The following ETS1 variants were observed in gnomAD, a reference collection of about 807,000 sequenced individuals.
ETS1 encodes protein C-ets-1.
In ETS1, 15 loss-of-function variants were observed where a neutral mutation model predicts 58.6. The ratio of observed to expected loss-of-function variants is 0.26; its 90% confidence interval spans 0.17 to 0.39. ETS1 has a LOEUF of 0.39. Among genes scored for constraint, ETS1 ranks in the 10% least tolerant of loss-of-function variants. The pLI is 1.00. For missense variants in ETS1, 417 were observed against 610.5 expected (o/e 0.68, Z 3.34); for synonymous variants, 214 against 218.2 (o/e 0.98, Z 0.17).
At chr11:128,570,953 T>C (rs1350765046) in intron 2 of ETS1, among the ~76,000 whole-genome samples, 1 of 152,186 alleles carries the variant, frequency 6.6e-6, no homozygotes, top group African/African-American at 2.4e-5. Flanking sequence ...TCTAAACCTT[T>C]TTCTGATTCT....
intron 3 of ETS1, chr11:128,522,425 G>C (rs1031789864): frequency 1.1e-6 from 1 of 870,052 alleles, no homozygotes; most frequent in Non-Finnish European, 1.4e-6. Flanking sequence ...GGCGATGTCC[G>C]CTTGGGGGAG....
chr11:128,582,048 A>G (rs1864881625), intron 1 of ETS1, among the ~76,000 whole-genome samples: 2 of 152,178 alleles, frequency 1.3e-5, no homozygotes, highest in South Asian at 2.1e-4. Flanking sequence ...TAAGGTTCCA[A>G]TTTCTCAGTA....
At chr11:128,532,791 T>C (rs1416727507) in intron 3 of ETS1, among the ~76,000 whole-genome samples, 1 of 152,130 alleles carries the variant, frequency 6.6e-6, no homozygotes, top group East Asian at 1.9e-4. Flanking sequence ...GGGGCAGCCC[T>C]AGGCTCCAAG....
At chr11:128,583,843 T>C (rs67600467) in intron 1 of ETS1, among the ~76,000 whole-genome samples, 45,972 of 152,092 alleles carry the variant, frequency 0.3, 8,592 homozygotes, top group Non-Finnish European at 0.42. Flanking sequence ...TGAAGGCAGC[T>C]CCAACACTTG....
At chr11:128,518,968 G>C (rs1033650914) in intron 3 of ETS1, among the ~76,000 whole-genome samples, 1 of 152,222 alleles carries the variant, frequency 6.6e-6, no homozygotes, top group Non-Finnish European at 1.5e-5. Flanking sequence ...TTGAAGGAAA[G>C]GAAAAATTAA....
At position 128,486,060 on chromosome 11, in the gene ETS1, T is replaced by C. The variant is rs1390373637; in HGVS notation, c.613+9A>G. On this transcript the variant is annotated intron_variant, in intron 6 of 9. Transcript: ENST00000392668. ...TATCATGAGAGAAGAGGGGTAGAAA[T>C]GAACTTACTAATGAAGTAATCCGAG... The C allele has an allele frequency of 1.9e-6, 3 of 1,579,174 alleles. No homozygotes were observed. The highest frequency in any genetic ancestry group is 1.3e-5 in the African/African-American group (1 of 74,276).
In ETS1 at chr11:128,510,491, C is replaced by T. The variant is rs1863363206; in HGVS notation, c.215-19915G>A. The stretch of plus-strand genomic sequence containing the variant: ...GAGAAAATATTCAAACCGGGCAAAG[C>T]TAAGACCAAGGACCCCTTAGGCCTG... On this transcript the variant is annotated intron_variant, in intron 3 of 9. Transcript: ENST00000392668. 2.0e-5 allele frequency among the ~76,000 whole-genome samples: 3 copies of T among 152,280 alleles called. No homozygotes were observed. In the South Asian group the frequency reaches 6.2e-4, roughly 32 times the overall value.
chr11:128,572,535 A>G (rs1279289129), intron 2 of ETS1, among the ~76,000 whole-genome samples: 1 of 152,200 alleles, frequency 6.6e-6, no homozygotes, highest in Admixed American at 6.5e-5. Context: ...GGATCTTCTC[A>G]CCTATGGACA....
Position 128,507,218 on chromosome 11 carries a change from C to G in ETS1, c.215-16642G>C, listed in dbSNP as rs373293549. ...TTGGTTCCCTGGCCCTGACTCAGAT[C>G]GAGCCGGGCTCCACCCTCCATGAGT... On this transcript the variant is annotated intron_variant, in intron 3 of 9. Transcript: ENST00000392668. 2.0e-5 allele frequency among the ~76,000 whole-genome samples: 3 copies of G among 152,090 alleles called. No individual in the cohort carries two copies. The South Asian group carries it at 6.2e-4, about 32-fold the overall frequency.
chr11:128,466,404 CCCAGGAGCA>C lies in ETS1; in HGVS notation c.1124-2786_1124-2778del, dbSNP rs1045696938. 1.2e-3 allele frequency among the ~76,000 whole-genome samples: 181 copies of C among 152,234 alleles called. 1 individual carries two copies. Among genetic ancestry groups the C allele is most frequent in the African/African-American group, 4.3e-3 (177 of 41,504 alleles). On this transcript the variant is annotated intron_variant, in intron 8 of 9. Transcript: ENST00000392668. ...CATCTGCTGGTGCTGGAGAACAGGG[CCCAGGAGCA>C]CACTGCAGTCTCCTGCCCTTGGGAC...
At chr11:128,583,288 G>A (rs1292653013) in intron 1 of ETS1, among the ~76,000 whole-genome samples, 1 of 152,210 alleles carries the variant, frequency 6.6e-6, no homozygotes, top group Non-Finnish European at 1.5e-5. Context: ...GTAACCTCAG[G>A]TGCAATACAA....
At chr11:128,477,778 T>G (rs1005171523) in intron 8 of ETS1, among the ~76,000 whole-genome samples, 2 of 152,264 alleles carry the variant, frequency 1.3e-5, no homozygotes, top group African/African-American at 4.8e-5. Flanking sequence ...CTCGCTTTTC[T>G]GCACTCAATA....
In ETS1 at chr11:128,549,255, A is replaced by ACGCGCCC. The variant is rs1273401166; in HGVS notation, c.214+7029_214+7035dup. Among the ~76,000 whole-genome samples the ACGCGCCC allele has an allele frequency of 7.8e-6, 1 of 127,874 alleles. No individual in the cohort carries two copies. Among genetic ancestry groups the ACGCGCCC allele is most frequent in the South Asian group, 2.4e-4 (1 of 4,112 alleles). 83.9% of individuals were successfully genotyped at this position (127,874 alleles called of 152,430 possible). A position where few individuals can be genotyped will look rare whatever the true frequency, so the allele number is the denominator to read the frequency against. Reference sequence around the variant, plus strand: ...CAGCCCGCCCCCACCCTCCACTCTCACGCGCCCCTCGCCCCTCGCCCCTCG... The same window carrying ACGCGCCC: ...CAGCCCGCCCCCACCCTCCACTCTCACGCGCCCCGCGCCCCTCGCCCCTCGCCCCTCG... On this transcript the variant is annotated intron_variant, in intron 3 of 9. Transcript: ENST00000392668. This position sits in a 1 kb window ranked among gnomAD's most constrained non-coding sequence, Gnocchi z 4.3.
intron 3 of ETS1, among the ~76,000 whole-genome samples, chr11:128,554,607 G>A (rs999768784): frequency 3.9e-5 from 6 of 152,096 alleles, no homozygotes; most frequent in Non-Finnish European, 7.4e-5. Context: ...GGAAAAGGAA[G>A]GCCATGTCTC....
At chr11:128,476,187 CT>C (rs956103836) in intron 8 of ETS1, among the ~76,000 whole-genome samples, 9 of 152,184 alleles carry the variant, frequency 5.9e-5, no homozygotes, top group African/African-American at 1.9e-4. Flanking sequence ...AGTGATAGGA[CT>C]CCTTATCTGT....
intron 2 of ETS1, among the ~76,000 whole-genome samples, chr11:128,561,348 C>T (rs1330208426): frequency 1.3e-5 from 2 of 152,234 alleles, no homozygotes; most frequent in Non-Finnish European, 2.9e-5. Context: ...GAGGCTGACA[C>T]AGGTCAGGAG....
intron 3 of ETS1, chr11:128,522,507 C>T: frequency 3.4e-6 from 1 of 294,976 alleles, no homozygotes; most frequent in Non-Finnish European, 5.0e-6. Context: ...TCTCCGCCCG[C>T]GGCCCAAAGC....
chr11:128,573,211 G>A (rs1477649011), intron 1 of ETS1, 67 bp from the exon 2 acceptor site: 1 of 1,118,964 alleles, frequency 8.9e-7, no homozygotes, highest in African/African-American at 1.5e-5. Context: ...AATACACAAG[G>A]AAGACACGAA....
intron 1 of ETS1, among the ~76,000 whole-genome samples, chr11:128,585,320 GAAGGAAGGAAGC>G (rs768874167): frequency 4.2e-5 from 6 of 141,188 alleles, no homozygotes; most frequent in African/African-American, 1.0e-4. Flanking sequence ...AGGGAAGAAG[GAAGGAAGGAAGC>G]AAGGAAGGAA....
Sources: allele counts gnomAD v4.1 joint callset (sites outside exome capture counted in the v4.1 genomes callset), GRCh38; gene constraint gnomAD v4.1.1; non-coding constraint Gnocchi (gnomAD v3.1); transcripts MANE v1.5; gene names NCBI Gene and HGNC (gene_info 2026-07-23, HGNC 2026-07-21).